HLCS: variants seen among roughly 807,000 people sequenced by gnomAD.
The protein encoded by HLCS is biotin--protein ligase.
HLCS carries 53 observed loss-of-function variants against 75.0 expected under a neutral mutation model. That is an observed-to-expected ratio of 0.71 (90% CI 0.57 to 0.89). The LOEUF is 0.89. Among genes scored for constraint, HLCS ranks in the 40% least tolerant of loss-of-function variants. The probability of loss-of-function intolerance (pLI) is 0.00; values close to 1 mark genes in which losing one functional copy is unlikely to be tolerated. For missense variants in HLCS, 966 were observed against 1,074.0 expected, an observed-to-expected ratio of 0.90 and a Z score of 1.41; for synonymous variants, 431 against 428.6, an observed-to-expected ratio of 1.01 and a Z score of -0.07.
Position 36,962,033 on chromosome 21 carries a change from C to A in HLCS, c.330+3G>T. 3 of 1,288,884 alleles carry A rather than the reference C, an allele frequency of 2.3e-6. No individual in the cohort carries two copies. Among genetic ancestry groups the A allele is most frequent in the Non-Finnish European group, 3.0e-6 (3 of 988,450 alleles). The allele number at this position is 1,288,884 out of a possible 1,614,324, so 79.8% of individuals were successfully genotyped here. On this transcript the variant is annotated splice_donor_region_variant and intron_variant, in intron 2 of 10. Coordinates refer to ENST00000674895, the MANE Select transcript of HLCS (RefSeq NM_001352514.2). Reference sequence around the variant, plus strand: ...ATGGGACACAAGTAAACATGGTACTCACTGTTTCTGAAGAGGATGATCTCT... The same window carrying A: ...ATGGGACACAAGTAAACATGGTACTAACTGTTTCTGAAGAGGATGATCTCT...
At position 36,753,417 on chromosome 21, in the gene HLCS, T is replaced by C. The variant is rs2089440546; in HGVS notation, c.*829A>G. 1 of 152,246 alleles carries C rather than the reference T, an allele frequency of 6.6e-6. No homozygotes were observed. Among genetic ancestry groups the C allele is most frequent in the East Asian group, 1.9e-4 (1 of 5,204 alleles). 9.4% of individuals were successfully genotyped at this position (152,246 alleles called of 1,614,324 possible). A position where few individuals can be genotyped will look rare whatever the true frequency, so the allele number is the denominator to read the frequency against. On this transcript the variant is annotated 3_prime_UTR_variant, in exon 11 of 11. Coordinates refer to ENST00000674895, the MANE Select transcript of HLCS (RefSeq NM_001352514.2). This position sits in a 1 kb window ranked among gnomAD's most constrained non-coding sequence, Gnocchi z 4.3. Reference sequence around the variant, plus strand: ...TATGTGGTATGAGTGTGCCTTCATCTCCAGCTGTCAGAGCCAAATCGCCCA... The same window carrying C: ...TATGTGGTATGAGTGTGCCTTCATCCCCAGCTGTCAGAGCCAAATCGCCCA...
At chr21:36,805,755 C>T (rs577735298) in intron 6 of HLCS, among the ~76,000 whole-genome samples, 3 of 152,272 alleles carry the variant, frequency 2.0e-5, no homozygotes, top group Admixed American at 6.5e-5. Context: ...GGACACCTAA[C>T]GTAGCCAGGA....
At chr21:36,828,152 A>G (rs1299857274) in intron 6 of HLCS, among the ~76,000 whole-genome samples, 1 of 152,086 alleles carries the variant, frequency 6.6e-6, no homozygotes, top group African/African-American at 2.4e-5. Context: ...TCATGTTCTG[A>G]GAACCAGGAG....
intron 6 of HLCS, among the ~76,000 whole-genome samples, chr21:36,850,030 C>T (rs1355554549): frequency 6.6e-6 from 1 of 152,110 alleles, no homozygotes. Context: ...TGCCCAACTC[C>T]CCTCCCTAAA....
intron 1 of HLCS, among the ~76,000 whole-genome samples, chr21:36,965,522 CGTAACCA>C (rs1339791796): frequency 6.6e-6 from 1 of 152,022 alleles, no homozygotes; most frequent in East Asian, 1.9e-4. Context: ...GGGCTGAACA[CGTAACCA>C]CCATCCTAAG....
At position 36,818,975 on chromosome 21, in the gene HLCS, C is replaced by T. The variant is rs2061744454; in HGVS notation, c.1893-51690G>A. 2.0e-5 allele frequency among the ~76,000 whole-genome samples: 3 copies of T among 152,096 alleles called. No individual in the cohort carries two copies. The South Asian group carries it at 6.2e-4, about 32-fold the overall frequency. ...CAGCACAGGGTATGGCTGGATGGCC[C>T]TCAAGACTGACTGCGACAAATTATA... On this transcript the variant is annotated intron_variant, in intron 6 of 10. Transcript: ENST00000674895.
At chr21:36,851,922 T>C (rs1235197632) in intron 6 of HLCS, 1 of 152,254 alleles carries the variant, frequency 6.6e-6, no homozygotes. Flanking sequence ...TCTATGGCCG[T>C]AAGAGCCCGC....
chr21:36,922,285 T>C (rs1018603209), intron 5 of HLCS, among the ~76,000 whole-genome samples: 1 of 152,222 alleles, frequency 6.6e-6, no homozygotes, highest in African/African-American at 2.4e-5. Flanking sequence ...ACATTTCTGG[T>C]ATACCACATG....
chr21:36,830,842 AAAAG>A (rs2062182402), intron 6 of HLCS, among the ~76,000 whole-genome samples: 1 of 150,540 alleles, frequency 6.6e-6, no homozygotes, highest in Non-Finnish European at 1.5e-5. Context: ...AAAAAAAAAA[AAAAG>A]GGTAGACACA....
chr21:36,866,929 C>T (rs1485528118), intron 6 of HLCS, among the ~76,000 whole-genome samples: 1 of 148,562 alleles, frequency 6.7e-6, no homozygotes, highest in Admixed American at 6.7e-5. Flanking sequence ...CTCATTTTTT[C>T]CCTTTTGGGG....
chr21:36,907,864 C>T (rs926823104), intron 5 of HLCS, among the ~76,000 whole-genome samples: 1 of 152,120 alleles, frequency 6.6e-6, no homozygotes, highest in Non-Finnish European at 1.5e-5. Flanking sequence ...AAGAAAATAT[C>T]GGATCGCCAA....
At chr21:36,819,567 A>G (rs2061764039) in intron 6 of HLCS, among the ~76,000 whole-genome samples, 1 of 152,214 alleles carries the variant, frequency 6.6e-6, no homozygotes, top group African/African-American at 2.4e-5. Context: ...TAATCAAGCT[A>G]TGATACGGAC....
chr21:36,820,677 G>A (rs1213536736), intron 6 of HLCS, among the ~76,000 whole-genome samples: 1 of 152,242 alleles, frequency 6.6e-6, no homozygotes, highest in Non-Finnish European at 1.5e-5. Context: ...AGGCCTGTAC[G>A]CGCCCTTCAG....
chr21:36,810,316 C>T (rs763275749), intron 6 of HLCS, among the ~76,000 whole-genome samples: 3 of 152,316 alleles, frequency 2.0e-5, no homozygotes, highest in Non-Finnish European at 4.4e-5. Flanking sequence ...CTGACCCTTT[C>T]GGCAGCAAGC....
At chr21:36,764,184 G>T (rs530212895) in intron 8 of HLCS, among the ~76,000 whole-genome samples, 1 of 152,240 alleles carries the variant, frequency 6.6e-6, no homozygotes, top group Admixed American at 6.5e-5. Context: ...GGATCACAAG[G>T]TCAAGAGATT....
Position 36,936,638 on chromosome 21 carries a change from G to A in HLCS, c.1248C>T (p.Asn416=). 1.2e-6 allele frequency: 2 copies of A among 1,614,210 alleles called. No individual in the cohort carries two copies. The highest frequency in any genetic ancestry group is 1.1e-5 in the South Asian group (1 of 91,082). Residue 416 remains asparagine (N), a synonymous_variant, in exon 4 of 11, where the codon AAC becomes AAT. Coordinates refer to ENST00000674895, the MANE Select transcript of HLCS (RefSeq NM_001352514.2). ...TCTGGTCAGCCTTGGAGAAAACCAA[G>A]TTCTGGACTGTCTTGTGCAGTGCAC... ...SKGALHKTVQ[N]LVFSKADQSE... is the part of the protein sequence containing the mutation.
At chr21:36,902,684 G>T (rs796500552) in intron 5 of HLCS, among the ~76,000 whole-genome samples, 7 of 152,176 alleles carry the variant, frequency 4.6e-5, no homozygotes, top group African/African-American at 1.7e-4. Flanking sequence ...TGAAGTTTGG[G>T]GAGGGAGGAA....
chr21:36,893,179 T>C (rs2064865160), intron 6 of HLCS, among the ~76,000 whole-genome samples: 1 of 152,128 alleles, frequency 6.6e-6, no homozygotes, highest in Non-Finnish European at 1.5e-5. Context: ...CAAGCAATTC[T>C]CCTGCCTCAG....
chr21:36,835,582 CTG>C (rs2062380655), intron 6 of HLCS, among the ~76,000 whole-genome samples: 1 of 152,184 alleles, frequency 6.6e-6, no homozygotes, highest in African/African-American at 2.4e-5. Flanking sequence ...CTGTGAGACT[CTG>C]GGGAGGAGCT....
Sources: allele counts gnomAD v4.1 joint callset (sites outside exome capture counted in the v4.1 genomes callset), GRCh38; gene constraint gnomAD v4.1.1; non-coding constraint Gnocchi (gnomAD v3.1); transcripts MANE v1.5; gene names NCBI Gene and HGNC (gene_info 2026-07-23, HGNC 2026-07-21).